Variants in RBM12B observed in about 807,000 individuals in gnomAD.
RBM12B encodes RNA-binding protein 12B.
A neutral mutation model predicts 34.3 loss-of-function variants in RBM12B; 10 were observed. The observed-to-expected ratio is 0.29, with a 90% CI of 0.18 to 0.49. The LOEUF is 0.49. Ranked by LOEUF, RBM12B falls within the 20% of genes least tolerant of loss-of-function variation. The probability of loss-of-function intolerance (pLI) is 0.99; values close to 1 mark genes in which losing one functional copy is unlikely to be tolerated. For missense variants in RBM12B, 1,139 were observed against 1,262.7 expected (o/e 0.90, Z 1.48); for synonymous variants, 477 against 437.1 (o/e 1.09, Z -1.14).
chr8:93,737,807 CAAAA>C (rs78204688), intron 2 of RBM12B, among the ~76,000 whole-genome samples: 83 of 100,604 alleles, frequency 8.3e-4, no homozygotes, highest in Non-Finnish European at 1.1e-3. Flanking sequence ...ACCCAAAGTT[CAAAA>C]AAAAAAAAAA....
Position 93,740,616 on chromosome 8 carries a change from G to GA in RBM12B, c.-78+12dup. ...CCACTGACTACGATGACATAGCAAA[G>GA]AAAAAAATATACCTATGAAATCCTT... On this transcript the variant is annotated intron_variant, in intron 2 of 3. Transcript: ENST00000520560. The GA allele has an allele frequency of 2.4e-6, 1 of 415,712 alleles. No homozygotes were observed. 25.8% of individuals were successfully genotyped at this position (415,712 alleles called of 1,614,324 possible).
At chr8:93,737,807 CAAAAAAAAAA>C (rs78204688) in intron 2 of RBM12B, among the ~76,000 whole-genome samples, 6 of 100,606 alleles carry the variant, frequency 6.0e-5, no homozygotes, top group African/African-American at 1.9e-4. Context: ...ACCCAAAGTT[CAAAAAAAAAA>C]AAAAAAAAAA....
At position 93,734,760 on chromosome 8, in the gene RBM12B, C is replaced by G. The variant is rs778875803; in HGVS notation, c.1651G>C (p.Asp551His). 1 of 1,614,032 alleles carries G rather than the reference C, an allele frequency of 6.2e-7. No individual in the cohort carries two copies. The highest frequency in any genetic ancestry group is 8.5e-7 in the Non-Finnish European group (1 of 1,180,008). ...KHPQRDFRQP[D>H]RHPPEDFRHS... ...CGGAAGTCTTCTGGAGGGTGCCTGT[C>G]AGGCTGCCGGAAATCCCTCTGGGGA... is the stretch of plus-strand genomic sequence containing the variant. Residue 551 changes from aspartate (D) to histidine (H), a missense_variant, in exon 4 of 4, where the codon GAC (aspartate) becomes CAC (histidine). Asp to His is a moderately conservative substitution (Grantham distance 81). Around this residue, in one of 3 missense-constraint regions of RBM12B, gnomAD observed 863 missense variants for 869.5 expected, o/e 0.99. Coordinates refer to ENST00000520560, the MANE Select transcript of RBM12B (RefSeq NM_001377960.1).
At position 93,733,489 on chromosome 8, in the gene RBM12B, T is replaced by C. The variant is rs1325766316; in HGVS notation, c.2922A>G (p.Ile974Met). 6.2e-7 allele frequency: 1 copy of C among 1,606,118 alleles called. No individual in the cohort carries two copies. Among genetic ancestry groups the C allele is most frequent in the Non-Finnish European group, 8.5e-7 (1 of 1,175,628 alleles). ...TAGCAGCCATAGCTTCATTATAGTTTATCATAGCAACAATGGCTTCCCCTG... is the reference window on the plus strand; with the variant it reads ...TAGCAGCCATAGCTTCATTATAGTTCATCATAGCAACAATGGCTTCCCCTG... ...LPTGEAIVAM[I>M]NYNEAMAAIK... Residue 974 changes from isoleucine (I) to methionine (M), a missense_variant, in exon 4 of 4, where the codon ATA becomes ATG. Around this residue, in one of 3 missense-constraint regions of RBM12B, gnomAD observed 60 missense variants for 101.0 expected, o/e 0.59. Transcript: ENST00000520560.
In RBM12B at chr8:93,738,558, G is replaced by C. The variant is rs572457189; in HGVS notation, c.-77-1203C>G. 2.0e-5 allele frequency among the ~76,000 whole-genome samples: 3 copies of C among 152,254 alleles called. No homozygotes were observed. In the South Asian group the frequency reaches 6.2e-4, roughly 32 times the overall value. On this transcript the variant is annotated intron_variant, in intron 2 of 3. Coordinates refer to ENST00000520560, the MANE Select transcript of RBM12B (RefSeq NM_001377960.1). ...CTCACTACAGCCTCGACTTACCCAG[G>C]CTCAGGCAATGCTCCCACCTCAGCC... is the stretch of plus-strand genomic sequence containing the variant.
chr8:93,739,734 A>C (rs2130480989), intron 2 of RBM12B, among the ~76,000 whole-genome samples: 1 of 152,372 alleles, frequency 6.6e-6, no homozygotes, highest in East Asian at 1.9e-4. Flanking sequence ...GTTCATTTGA[A>C]GACAATAATC....
intron 2 of RBM12B, 86 bp downstream of exon 2, chr8:93,740,543 T>C (rs1563665811): frequency 2.2e-6 from 1 of 456,752 alleles, no homozygotes; most frequent in Admixed American, 2.3e-5. Context: ...CTGAAAACAC[T>C]TGCCCTTCTC....
chr8:93,739,228 G>C (rs1227025685), intron 2 of RBM12B: 2 of 151,870 alleles, frequency 1.3e-5, no homozygotes, highest in African/African-American at 4.8e-5. Context: ...AATTTTAACG[G>C]GATTTACCCT....
rs1453221019 is a variant in RBM12B, at chr8:93,734,800, C to T, written c.1611G>A (p.Leu537=). 6 of 1,614,122 alleles carry T rather than the reference C, an allele frequency of 3.7e-6. No individual in the cohort carries two copies. Among genetic ancestry groups the T allele is most frequent in the Non-Finnish European group, 4.2e-6 (5 of 1,180,002 alleles). ...FRHQLEDLRQ[L]DNFKHPQRDF... is the part of the protein sequence containing the mutation. ...CCCTCTGGGGATGCTTGAAGTTATC[C>T]AGTTGCCTCAAGTCCTCTAGCTGAT... Residue 537 remains leucine (L), a synonymous_variant, in exon 4 of 4, where the codon CTG becomes CTA. Transcript: ENST00000520560.
chr8:93,735,895 A>G lies in RBM12B; in HGVS notation c.516T>C (p.Arg172=), dbSNP rs990390469. ...LPYLVNEDDV[R]VFFSGLCVDG... is the part of the protein sequence containing the mutation. ...CCACGCACAAACCAGAGAAAAAGAC[A>G]CGTACATCATCTTCATTTACTAGGT... Residue 172 remains arginine (R), a synonymous_variant, in exon 4 of 4, where the codon CGT becomes CGC. Coordinates refer to ENST00000520560, the MANE Select transcript of RBM12B (RefSeq NM_001377960.1). 18 of 1,614,006 alleles carry G rather than the reference A, an allele frequency of 1.1e-5. No individual in the cohort carries two copies. In the Middle Eastern group the frequency reaches 9.9e-4, roughly 88 times the overall value.
chr8:93,735,971 G>A lies in RBM12B; in HGVS notation c.440C>T (p.Thr147Ile). The A allele has an allele frequency of 6.2e-7, 1 of 1,614,148 alleles. No individual in the cohort carries two copies. The highest frequency in any genetic ancestry group is 8.5e-7 in the Non-Finnish European group (1 of 1,180,028). ...TGHGNLRPRK[T>I]RPLKAENPYL... ...AGGATTCTCGGCCTTCAATGGCCTT[G>A]TCTTTCTTGGCCTTAAATTACCATG... The change falls in exon 4 of 4, where the codon ACA (threonine) becomes ATA (isoleucine). Residue 147 changes from threonine to isoleucine, a missense_variant. By Grantham distance (89) the Thr-to-Ile change is moderately conservative (BLOSUM62 -1). Transcript: ENST00000520560.
rs1016445895 is a variant in RBM12B, at chr8:93,730,321, T to A, written c.*3084A>T. ...CTTAACAGTGATCTCAGTAAATTAA[T>A]AGAAATGCACTCCTAACATGATTTT... On this transcript the variant is annotated 3_prime_UTR_variant, in exon 4 of 4. Transcript: ENST00000520560. The A allele has an allele frequency of 6.6e-6, 1 of 152,236 alleles. No individual in the cohort carries two copies. The highest frequency in any genetic ancestry group is 2.4e-5 in the African/African-American group (1 of 41,470). The allele number at this position is 152,236 out of a possible 1,614,324, so 9.4% of individuals were successfully genotyped here. A position where few individuals can be genotyped will look rare whatever the true frequency, so the allele number is the denominator to read the frequency against.
chr8:93,737,798 C>A (rs1467578350), intron 2 of RBM12B, among the ~76,000 whole-genome samples: 2 of 133,090 alleles, frequency 1.5e-5, no homozygotes, highest in Non-Finnish European at 3.1e-5. Context: ...AATCTCAATA[C>A]CCAAAGTTCA....
Position 93,735,938 on chromosome 8 carries a change from A to C in RBM12B, c.473T>G (p.Phe158Cys), listed in dbSNP as rs1812005943. The change falls in exon 4 of 4, where the codon TTT becomes TGT. Residue 158 changes from phenylalanine to cysteine, a missense_variant. By Grantham distance (205) the Phe-to-Cys change is radical. Around this residue, in one of 3 missense-constraint regions of RBM12B, gnomAD observed 216 missense variants for 292.2 expected, o/e 0.74. Coordinates refer to ENST00000520560, the MANE Select transcript of RBM12B (RefSeq NM_001377960.1). Reference sequence around the variant, plus strand: ...TACTAGGTAAGGCAAACCTCGTAGAAACAAGTAAGGATTCTCGGCCTTCAA... The same window carrying C: ...TACTAGGTAAGGCAAACCTCGTAGACACAAGTAAGGATTCTCGGCCTTCAA... ...RPLKAENPYL[F>C]LRGLPYLVNE... 6.2e-7 allele frequency: 1 copy of C among 1,614,122 alleles called. No individual in the cohort carries two copies. Among genetic ancestry groups the C allele is most frequent in the Admixed American group, 1.7e-5 (1 of 60,010 alleles).
chr8:93,737,955 A>C (rs190027833), intron 2 of RBM12B, among the ~76,000 whole-genome samples: 26 of 152,348 alleles, frequency 1.7e-4, no homozygotes, highest in African/African-American at 6.3e-4. Flanking sequence ...ATTCAAAATT[A>C]CACAATAAAT....
At position 93,732,055 on chromosome 8, in the gene RBM12B, A is replaced by G. The variant is rs962569605; in HGVS notation, c.*1350T>C. ...CCTAATTAAAAATACCACTTAAAAA[A>G]GTGAGGCAGCAAAAGCATGAACTGG... On this transcript the variant is annotated 3_prime_UTR_variant, in exon 4 of 4. Coordinates refer to ENST00000520560, the MANE Select transcript of RBM12B (RefSeq NM_001377960.1). 16 of 152,376 alleles carry G rather than the reference A, an allele frequency of 1.1e-4. No homozygotes were observed. The highest frequency in any genetic ancestry group is 3.9e-4 in the Admixed American group (6 of 15,292). 9.4% of individuals were successfully genotyped at this position (152,376 alleles called of 1,614,324 possible). A position where few individuals can be genotyped will look rare whatever the true frequency, so the allele number is the denominator to read the frequency against.
rs183531200 is a variant in RBM12B, at chr8:93,740,242, G to A, written c.-78+387C>T. On this transcript the variant is annotated intron_variant, in intron 2 of 3. Transcript: ENST00000520560. ...GTCCCTAGGAAGAACTGTAAATGAAGACGAATCCACATGGCACAGGATTTC... is the reference window on the plus strand; with the variant it reads ...GTCCCTAGGAAGAACTGTAAATGAAAACGAATCCACATGGCACAGGATTTC... 3.1e-5 allele frequency: 14 copies of A among 452,740 alleles called. No individual in the cohort carries two copies. The East Asian group carries it at 9.1e-4, about 29-fold the overall frequency. The allele number at this position is 452,740 out of a possible 1,614,324, so 28.0% of individuals were successfully genotyped here.
intron 2 of RBM12B, among the ~76,000 whole-genome samples, chr8:93,737,807 CAAAAA>C (rs78204688): frequency 0.079 from 7,917 of 100,582 alleles, 261 homozygotes; most frequent in Non-Finnish European, 0.13. Flanking sequence ...ACCCAAAGTT[CAAAAA>C]AAAAAAAAAA....
In RBM12B at chr8:93,734,112, G is replaced by A. The variant is rs1811904217; in HGVS notation, c.2299C>T (p.Pro767Ser). The change falls in exon 4 of 4, where the codon CCC (proline) becomes TCC (serine). Residue 767 changes from proline (P) to serine (S), a missense_variant. Pro to Ser is a moderately conservative substitution (Grantham distance 74). Around this residue, in one of 3 missense-constraint regions of RBM12B, gnomAD observed 863 missense variants for 869.5 expected, o/e 0.99. Transcript: ENST00000520560. ...RPPPEHFRRP[P>S]PEHFRRPPPE... is the part of the protein sequence containing the mutation. Reference sequence around the variant, plus strand: ...GGCGGGCGCCTGAAATGCTCTGGGGGTGGCCGCCTGAAGTGCTCTGGGGGT... The same window carrying A: ...GGCGGGCGCCTGAAATGCTCTGGGGATGGCCGCCTGAAGTGCTCTGGGGGT... The A allele has an allele frequency of 1.9e-6, 3 of 1,558,812 alleles. No individual in the cohort carries two copies. Among genetic ancestry groups the A allele is most frequent in the South Asian group, 2.4e-5 (2 of 82,986 alleles).
Sources: gnomAD v4.1 joint callset for allele counts (sites outside exome capture counted in the v4.1 genomes callset) on GRCh38, gnomAD v4.1.1 for gene constraint, gnomAD v4.1.1 regional missense constraint, MANE v1.5 for transcripts, NCBI Gene and HGNC (gene_info 2026-07-23, HGNC 2026-07-21) for gene names.